Variants in PDIA6 observed in about 807,000 individuals in gnomAD.
PDIA6 encodes protein disulfide-isomerase A6.
Under a neutral mutation model 58.4 loss-of-function variants are expected in PDIA6, and 29 were observed. The ratio of observed to expected loss-of-function variants is 0.50; its 90% confidence interval spans 0.37 to 0.68. PDIA6 has a LOEUF of 0.68. Among genes scored for constraint, PDIA6 ranks in the 30% least tolerant of loss-of-function variants. The pLI, the probability that PDIA6 is intolerant of heterozygous loss-of-function variation, is 0.00. For missense variants in PDIA6, 480 were observed against 551.0 expected (o/e 0.87, Z 1.29); for synonymous variants, 192 against 202.6 (o/e 0.95, Z 0.44).
chr2:10,798,385 T>C (rs1019103385), intron 2 of PDIA6, among the ~76,000 whole-genome samples: 4 of 151,860 alleles, frequency 2.6e-5, no homozygotes, highest in African/African-American at 7.3e-5. Context: ...CTGGCCAACA[T>C]GGTGACACCC....
At chr2:10,798,763 A>C (rs1313857052) in intron 2 of PDIA6, among the ~76,000 whole-genome samples, 1 of 152,186 alleles carries the variant, frequency 6.6e-6, no homozygotes, top group African/African-American at 2.4e-5. Context: ...CTAGTGGAAG[A>C]AGTGCATTTT....
upstream of PDIA6, among the ~76,000 whole-genome samples, chr2:10,834,329 A>C (rs1488541499): frequency 1.3e-5 from 2 of 152,224 alleles, no homozygotes; most frequent in Non-Finnish European, 2.9e-5. Context: ...CTTTGGAGAG[A>C]AAGACCCTCT....
rs1048524083 is a variant in PDIA6, at chr2:10,820,990, T to C, written c.-47-1636A>G. ...AAACTGACCCTGGTTAAGCAGGTCG[T>C]TGGGCCCAGGACGAAGGGGAGGGGG... is the stretch of plus-strand genomic sequence containing the variant. On this transcript the variant is annotated intron_variant, in intron 1 of 13. Coordinates refer to the PDIA6 transcript ENST00000381611. 16 of 634,506 alleles carry C rather than the reference T, an allele frequency of 2.5e-5. No homozygotes were observed. The East Asian group carries it at 4.2e-4, about 17-fold the overall frequency. The allele number at this position is 634,506 out of a possible 1,614,324, so 39.3% of individuals were successfully genotyped here.
chr2:10,835,943 C>G (rs898471652), upstream of PDIA6, among the ~76,000 whole-genome samples: 39 of 151,924 alleles, frequency 2.6e-4, no homozygotes, highest in South Asian at 2.1e-4. Context: ...CCCAGCTACT[C>G]GGGAGGCTGA....
intron 1 of PDIA6, among the ~76,000 whole-genome samples, chr2:10,820,542 G>C (rs1254850798): frequency 1.3e-5 from 2 of 152,136 alleles, no homozygotes; most frequent in Non-Finnish European, 2.9e-5. Flanking sequence ...CCCTGTGTAA[G>C]TTTCTAGTTT....
chr2:10,830,928 T>C (rs1667694437), intron 1 of PDIA6, among the ~76,000 whole-genome samples: 1 of 152,144 alleles, frequency 6.6e-6, no homozygotes, highest in Non-Finnish European at 1.5e-5. Flanking sequence ...GAACATTCAG[T>C]TCCTCCCCAC....
intron 2 of PDIA6, among the ~76,000 whole-genome samples, chr2:10,818,221 G>C (rs1189428163): frequency 6.7e-6 from 1 of 150,112 alleles, no homozygotes; most frequent in East Asian, 2.0e-4. Flanking sequence ...GGAGTACAGT[G>C]GTGTGATCAT....
rs1558434717 is a variant in PDIA6 at position 10,784,224 on chromosome 2, A to G, written c.*34T>C. The G allele has an allele frequency of 1.3e-6, 2 of 1,571,164 alleles. No homozygotes were observed. Among genetic ancestry groups the G allele is most frequent in the African/African-American group, 1.4e-5 (1 of 73,642 alleles). On this transcript the variant is annotated 3_prime_UTR_variant, in exon 13 of 13. Transcript: ENST00000272227. Reference sequence around the variant, plus strand: ...CTGGAAAAATCCACTGGCTCCCAAGAAAAGAAAATGGTCTGAAGCCTCTGT... The same window carrying G: ...CTGGAAAAATCCACTGGCTCCCAAGGAAAGAAAATGGTCTGAAGCCTCTGT...
intron 2 of PDIA6, 89 bp downstream of exon 2, chr2:10,802,410 A>C (rs1215014603): frequency 1.3e-6 from 1 of 768,876 alleles, no homozygotes; most frequent in African/African-American, 1.8e-5. Flanking sequence ...GCTAAACTAG[A>C]TGTCTTAATA....
At chr2:10,789,326 G>GCT (rs1665926937) in intron 8 of PDIA6, among the ~76,000 whole-genome samples, 1 of 147,270 alleles carries the variant, frequency 6.8e-6, no homozygotes, top group African/African-American at 2.6e-5. Flanking sequence ...CACACTTGAG[G>GCT]CTCTGTGCCT....
upstream of PDIA6, among the ~76,000 whole-genome samples, chr2:10,836,460 G>A (rs996718717): frequency 7.2e-5 from 11 of 151,858 alleles, no homozygotes; most frequent in African/African-American, 1.2e-4. Flanking sequence ...CAGTCAGCCC[G>A]CTGTGGCCTC....
intron 7 of PDIA6, among the ~76,000 whole-genome samples, chr2:10,790,308 C>T (rs990194825): frequency 2.0e-5 from 3 of 152,114 alleles, no homozygotes; most frequent in Non-Finnish European, 4.4e-5. Context: ...GTTCTCCAGA[C>T]TGCACAGATT....
At chr2:10,820,778 G>C in intron 1 of PDIA6, 1 of 703,038 alleles carries the variant, frequency 1.4e-6, no homozygotes, top group South Asian at 1.5e-5. Context: ...CACATGGCTG[G>C]AAGTCGGAGC....
intron 11 of PDIA6, 112 bp downstream of exon 11, chr2:10,787,169 C>T: frequency 1.1e-6 from 1 of 887,200 alleles, no homozygotes. Flanking sequence ...AATTAGTTTG[C>T]ATTTTAAATT....
intron 3 of PDIA6, 51 bp from the exon 4 acceptor site, chr2:10,797,258 C>T: frequency 6.4e-7 from 1 of 1,566,494 alleles, no homozygotes; most frequent in Middle Eastern, 1.7e-4. Flanking sequence ...AAAGCAGACT[C>T]CACAAGAACT....
At chr2:10,785,334 A>T (rs1190298112) in intron 11 of PDIA6, among the ~76,000 whole-genome samples, 1 of 152,254 alleles carries the variant, frequency 6.6e-6, no homozygotes, top group African/African-American at 2.4e-5. Context: ...ATAAATAATT[A>T]TCAAAGTTGA....
chr2:10,783,959 C>G lies in PDIA6; in HGVS notation c.*299G>C, dbSNP rs558700720. On this transcript the variant is annotated 3_prime_UTR_variant, in exon 13 of 13. Coordinates refer to ENST00000272227, the MANE Select transcript of PDIA6 (RefSeq NM_005742.4). ...AAACCCATACATAAGAAACAGCCTC[C>G]AAGAACATTCAAGCAGCAGTCAGAG... The G allele has an allele frequency of 1.4e-4, 34 of 237,918 alleles. 1 individual carries two copies. In the South Asian group the frequency reaches 5.1e-3, roughly 36 times the overall value. 14.7% of individuals were successfully genotyped at this position (237,918 alleles called of 1,614,324 possible).
intron 1 of PDIA6, among the ~76,000 whole-genome samples, chr2:10,826,169 C>T (rs1667550438): frequency 6.6e-6 from 1 of 152,134 alleles, no homozygotes; most frequent in South Asian, 2.1e-4. Context: ...TGGCATGCCA[C>T]GATATGGATT....
At chr2:10,801,883 CCA>C (rs1666526046) in intron 2 of PDIA6, among the ~76,000 whole-genome samples, 1 of 152,212 alleles carries the variant, frequency 6.6e-6, no homozygotes, top group African/African-American at 2.4e-5. Context: ...TTTCAGATAA[CCA>C]CACAGTTCTT....
Sources: gnomAD v4.1 joint callset for allele counts (sites outside exome capture counted in the v4.1 genomes callset) on GRCh38, gnomAD v4.1.1 for gene constraint, MANE v1.5 for transcripts, NCBI Gene and HGNC (gene_info 2026-07-23, HGNC 2026-07-21) for gene names.